CAMTA1: variants seen among roughly 807,000 people sequenced by gnomAD.
CAMTA1 encodes calmodulin binding transcription activator 1.
CAMTA1 carries 27 observed loss-of-function variants against 170.9 expected under a neutral mutation model. That is an observed-to-expected ratio of 0.16 (90% CI 0.12 to 0.22). The LOEUF (loss-of-function observed/expected upper bound fraction) is 0.22. CAMTA1 is among the 10% of genes least tolerant of loss of function. The pLI is 1.00. For synonymous variants in CAMTA1, 833 were observed against 891.5 expected (o/e 0.93, Z 1.17); for missense variants, 1,619 against 2,217.2 (o/e 0.73, Z 5.42).
intron 6 of CAMTA1, among the ~76,000 whole-genome samples, chr1:7,500,125 CGTGT>C (rs1242392417): frequency 2.4e-5 from 3 of 124,296 alleles, no homozygotes; most frequent in South Asian, 2.7e-4. Flanking sequence ...GCCTGGTGTG[CGTGT>C]GTATGTATAT....
Position 7,492,747 on chromosome 1 carries a change from G to GCA in CAMTA1, c.510+24857_510+24858dup, listed in dbSNP as rs997548461. 3.1e-3 allele frequency among the ~76,000 whole-genome samples: 304 copies of GCA among 97,576 alleles called. 1 individual carries two copies. Among genetic ancestry groups the GCA allele is most frequent in the Admixed American group, 7.0e-3 (67 of 9,534 alleles). The allele number at this position is 97,576 out of a possible 152,430, so 64.0% of individuals were successfully genotyped here. On this transcript the variant is annotated intron_variant, in intron 6 of 22. Coordinates refer to ENST00000303635, the MANE Select transcript of CAMTA1 (RefSeq NM_015215.4). ...CACAAACCTACATACACACACGCGC[G>GCA]CACACACACACAAACCTACATACAC...
intron 7 of CAMTA1, among the ~76,000 whole-genome samples, chr1:7,655,246 A>C (rs1404279737): frequency 2.0e-5 from 3 of 149,034 alleles, no homozygotes. Context: ...CTATACACAC[A>C]CACCTATACA....
intron 5 of CAMTA1, among the ~76,000 whole-genome samples, chr1:7,327,014 A>G (rs1574701091): frequency 1.3e-5 from 2 of 152,340 alleles, no homozygotes; most frequent in African/African-American, 4.8e-5. Flanking sequence ...TTCAGGTCAC[A>G]TTCAAAGAGC....
chr1:7,316,862 A>G (rs1677591091), intron 5 of CAMTA1, among the ~76,000 whole-genome samples: 1 of 152,114 alleles, frequency 6.6e-6, no homozygotes, highest in African/African-American at 2.4e-5. Flanking sequence ...CTGAAACTTG[A>G]GGGTGAGTTA....
intron 4 of CAMTA1, among the ~76,000 whole-genome samples, chr1:7,109,341 T>C (rs1171801907): frequency 6.6e-6 from 1 of 152,102 alleles, no homozygotes; most frequent in African/African-American, 2.4e-5. Context: ...AGGGGCAAAG[T>C]GTAGGAAGAA....
chr1:7,293,324 C>T lies in CAMTA1; in HGVS notation c.438+43698C>T, dbSNP rs1673432785. Among the ~76,000 whole-genome samples, 1 of 152,162 alleles carries T rather than the reference C, an allele frequency of 6.6e-6. No homozygotes were observed. The highest frequency in any genetic ancestry group is 6.5e-5 in the Admixed American group (1 of 15,282). ...GATAACGTGCTGGCAGGCCACTTGT[C>T]CAAGAGAATCATTCCTTCCTGCACC... On this transcript the variant is annotated intron_variant, in intron 5 of 22. Coordinates refer to ENST00000303635, the MANE Select transcript of CAMTA1 (RefSeq NM_015215.4). This position sits in a 1 kb window ranked among gnomAD's most constrained non-coding sequence, Gnocchi z 4.1.
chr1:6,786,537 T>C (rs1417420720), intron 1 of CAMTA1, among the ~76,000 whole-genome samples: 3 of 152,214 alleles, frequency 2.0e-5, no homozygotes, highest in Non-Finnish European at 4.4e-5. Flanking sequence ...CTGCCCATGT[T>C]CTTCTTTCCT....
At chr1:7,369,505 G>A (rs2086269570) in intron 5 of CAMTA1, among the ~76,000 whole-genome samples, 1 of 152,148 alleles carries the variant, frequency 6.6e-6, no homozygotes, top group African/African-American at 2.4e-5. Context: ...AGAGTGAAAG[G>A]ACACAGATTA....
intron 3 of CAMTA1, among the ~76,000 whole-genome samples, chr1:7,024,028 C>CAAAAAAA (rs35095557): frequency 1.0e-5 from 1 of 96,136 alleles, no homozygotes; most frequent in Non-Finnish European, 2.1e-5. Flanking sequence ...GACTCTGTCT[C>CAAAAAAA]AAAAAAAAAA....
At chr1:7,596,192 G>A (rs183563591) in intron 6 of CAMTA1, among the ~76,000 whole-genome samples, 1 of 152,342 alleles carries the variant, frequency 6.6e-6, no homozygotes, top group Non-Finnish European at 1.5e-5. Flanking sequence ...TGGGGCATCA[G>A]TGCCCAGGAG....
At chr1:6,853,474 G>GT (rs1235466907) in intron 3 of CAMTA1, among the ~76,000 whole-genome samples, 4 of 152,252 alleles carry the variant, frequency 2.6e-5, no homozygotes, top group Middle Eastern at 6.8e-3. Context: ...AACAGCAGTA[G>GT]TAGTAGTAAA....
chr1:7,736,400 A>T lies in CAMTA1; in HGVS notation c.3123A>T (p.Val1041=). The T allele has an allele frequency of 1.2e-6, 2 of 1,614,046 alleles. No individual in the cohort carries two copies. The highest frequency in any genetic ancestry group is 1.7e-6 in the Non-Finnish European group (2 of 1,180,014). ...GSCFESRVVV[V]CEKMMSRACW... ...GCTTTGAGAGCCGTGTGGTCGTGGT[A>T]TGCGAGAAGATGATGAGCCGAGCCT... is the stretch of plus-strand genomic sequence containing the variant. Residue 1041 remains valine (V), a synonymous_variant, in exon 13 of 23, where the codon GTA becomes GTT. Coordinates refer to ENST00000303635, the MANE Select transcript of CAMTA1 (RefSeq NM_015215.4). The surrounding 1 kb of genome is among the most constrained non-coding windows in gnomAD (Gnocchi z 4.5).
At chr1:7,177,362 G>A (rs1026951787) in intron 4 of CAMTA1, among the ~76,000 whole-genome samples, 5 of 143,632 alleles carry the variant, frequency 3.5e-5, no homozygotes, top group African/African-American at 1.3e-4. Flanking sequence ...TCAAAGCCCT[G>A]TCCACATACC....
intron 4 of CAMTA1, among the ~76,000 whole-genome samples, chr1:7,174,732 G>A (rs1427843518): frequency 3.3e-5 from 5 of 152,190 alleles, no homozygotes; most frequent in Admixed American, 6.5e-5. Flanking sequence ...AGGTGGCCCT[G>A]GGGGGCCTGG....
intron 3 of CAMTA1, among the ~76,000 whole-genome samples, chr1:7,005,313 G>A (rs759292974): frequency 1.3e-5 from 2 of 152,164 alleles, no homozygotes; most frequent in African/African-American, 2.4e-5. Flanking sequence ...GTTCTGAGTG[G>A]CCATGCAAAG....
chr1:7,480,162 T>G (rs557395431), intron 6 of CAMTA1, among the ~76,000 whole-genome samples: 2 of 149,184 alleles, frequency 1.3e-5, no homozygotes, highest in African/African-American at 5.0e-5. Flanking sequence ...TGTGGGTGCA[T>G]GTGTGTGTGC....
At chr1:7,593,488 A>C (rs1339006844) in intron 6 of CAMTA1, among the ~76,000 whole-genome samples, 8 of 136,000 alleles carry the variant, frequency 5.9e-5, no homozygotes, top group Non-Finnish European at 9.3e-5. Context: ...TAATCCTAGC[A>C]CTTTTTTTTT....
intron 6 of CAMTA1, among the ~76,000 whole-genome samples, chr1:7,507,008 A>T (rs2094126354): frequency 6.7e-6 from 1 of 149,370 alleles, no homozygotes; most frequent in Non-Finnish European, 1.5e-5. Context: ...TCACACTAAC[A>T]TCTCATGCTC....
At chr1:7,567,088 C>T (rs1040681948) in intron 6 of CAMTA1, among the ~76,000 whole-genome samples, 13 of 152,310 alleles carry the variant, frequency 8.5e-5, no homozygotes, top group South Asian at 2.1e-4. Context: ...ACCTTGGGGA[C>T]GGGGACCTCA....
Sources: allele counts gnomAD v4.1 joint callset (sites outside exome capture counted in the v4.1 genomes callset), GRCh38; gene constraint gnomAD v4.1.1; non-coding constraint Gnocchi (gnomAD v3.1); transcripts MANE v1.5; gene names NCBI Gene and HGNC (gene_info 2026-07-23, HGNC 2026-07-21).